MAPK6: variants seen among roughly 807,000 people sequenced by gnomAD.
MAPK6 encodes the protein ERK-3.
A neutral mutation model predicts 59.3 loss-of-function variants in MAPK6; 19 were observed. That is an observed-to-expected ratio of 0.32 (90% CI 0.22 to 0.47). The LOEUF is 0.47. MAPK6 is among the 20% of genes least tolerant of loss of function. MAPK6 has a pLI of 1.00. For synonymous variants in MAPK6, 316 were observed against 290.3 expected (o/e 1.09, Z -0.90); for missense variants, 724 against 847.9 (o/e 0.85, Z 1.81).
chr15:51,980,133 A>G (rs541678708), intron 1 of MAPK6, among the ~76,000 whole-genome samples: 4 of 151,612 alleles, frequency 2.6e-5, no homozygotes, highest in South Asian at 2.1e-4. Flanking sequence ...CATCTCTACT[A>G]AAAATACAAA....
chr15:52,035,372 C>T (rs1458876249), intron 1 of MAPK6, among the ~76,000 whole-genome samples: 1 of 152,152 alleles, frequency 6.6e-6, no homozygotes, highest in East Asian at 1.9e-4. Flanking sequence ...CAGTGGCTCA[C>T]GCCTGTAATC....
intron 1 of MAPK6, among the ~76,000 whole-genome samples, chr15:51,972,680 G>A (rs1351345813): frequency 2.0e-5 from 3 of 149,606 alleles, no homozygotes; most frequent in African/African-American, 7.3e-5. Context: ...AAATTAGCCG[G>A]GCGTGGTTGT....
At chr15:51,980,226 C>T (rs532143562) in intron 1 of MAPK6, among the ~76,000 whole-genome samples, 10 of 150,086 alleles carry the variant, frequency 6.7e-5, no homozygotes, top group Admixed American at 1.3e-4. Flanking sequence ...ACCTGGGAGG[C>T]AGATGTTGTG....
chr15:51,994,476 T>A (rs1186728176), intron 2 of MAPK6, among the ~76,000 whole-genome samples: 1 of 152,158 alleles, frequency 6.6e-6, no homozygotes. Flanking sequence ...TCATCATGAT[T>A]ATCACTGTGG....
At chr15:51,981,471 CA>C (rs35487339) in intron 1 of MAPK6, among the ~76,000 whole-genome samples, 50 of 118,044 alleles carry the variant, frequency 4.2e-4, no homozygotes, top group African/African-American at 4.0e-4. Context: ...GACTCCGTCT[CA>C]AAAAAAAAAA....
intron 1 of MAPK6, among the ~76,000 whole-genome samples, chr15:51,982,236 C>T (rs896021576): frequency 8.5e-5 from 13 of 152,188 alleles, no homozygotes; most frequent in Admixed American, 2.0e-4. Context: ...GATTTAGAAT[C>T]GTGTGAGAAC....
At chr15:51,974,389 G>T (rs2057151105) in intron 1 of MAPK6, among the ~76,000 whole-genome samples, 2 of 151,436 alleles carry the variant, frequency 1.3e-5, no homozygotes, top group Admixed American at 1.3e-4. Flanking sequence ...GGGCACGGTG[G>T]CTCACCCCTG....
intron 2 of MAPK6, among the ~76,000 whole-genome samples, chr15:52,003,497 TA>T (rs2057248830): frequency 6.6e-6 from 1 of 152,222 alleles, no homozygotes; most frequent in African/African-American, 2.4e-5. Context: ...AAGGAAATGG[TA>T]GCTGACAGCT....
chr15:51,982,335 CCCACAGAGGA>C (rs2057176864), intron 1 of MAPK6, among the ~76,000 whole-genome samples: 1 of 152,146 alleles, frequency 6.6e-6, no homozygotes. Context: ...TTTCATCTCA[CCCACAGAGGA>C]CTACCAAGAG....
At chr15:52,036,554 C>T (rs2031248017) in intron 1 of MAPK6, among the ~76,000 whole-genome samples, 1 of 152,168 alleles carries the variant, frequency 6.6e-6, no homozygotes. Flanking sequence ...CCATCTGCTT[C>T]TTACTAGTGA....
intron 5 of MAPK6, 99 bp downstream of exon 5, chr15:52,061,599 T>G (rs977333846): frequency 3.3e-6 from 3 of 922,186 alleles, no homozygotes; most frequent in African/African-American, 3.4e-5. Flanking sequence ...ATTGTAGAAG[T>G]CTTAAAAATT....
chr15:52,027,349 C>CAAAAAAAAAAAAAAAAAA (rs71130120), intron 1 of MAPK6, among the ~76,000 whole-genome samples: 4 of 49,190 alleles, frequency 8.1e-5, no homozygotes, highest in African/African-American at 1.7e-4. Context: ...GACTCCCTCT[C>CAAAAAAAAAAAAAAAAAA]AAAAAAAAAA....
At chr15:52,048,986 C>T (rs1443990746) in intron 2 of MAPK6, among the ~76,000 whole-genome samples, 3 of 152,194 alleles carry the variant, frequency 2.0e-5, no homozygotes, top group Non-Finnish European at 4.4e-5. Flanking sequence ...AAAATTGACT[C>T]CATTTCTACA....
chr15:52,010,750 C>G (rs1291325824), intron 3 of MAPK6, among the ~76,000 whole-genome samples: 1 of 152,174 alleles, frequency 6.6e-6, no homozygotes, highest in Admixed American at 6.5e-5. Context: ...AACTCCTGAC[C>G]TCAAGTGATC....
intron 2 of MAPK6, among the ~76,000 whole-genome samples, chr15:52,049,628 T>C (rs1335591309): frequency 6.6e-6 from 1 of 151,220 alleles, no homozygotes; most frequent in Non-Finnish European, 1.5e-5. Context: ...TTTTTTTTTT[T>C]TTTGAGATGG....
At chr15:52,051,538 A>G (rs1825555083) in intron 3 of MAPK6, among the ~76,000 whole-genome samples, 2 of 152,222 alleles carry the variant, frequency 1.3e-5, no homozygotes, top group African/African-American at 2.4e-5. Flanking sequence ...CTTAGTTTAT[A>G]TAACAGCAAG....
intron 3 of MAPK6, chr15:52,057,380 C>T (rs2032023880): frequency 6.6e-6 from 1 of 152,260 alleles, no homozygotes; most frequent in Non-Finnish European, 1.5e-5. Flanking sequence ...TTATCTGCCC[C>T]AAGCTACTCT....
At chr15:52,034,323 G>A (rs1020153770) in intron 1 of MAPK6, among the ~76,000 whole-genome samples, 2 of 142,864 alleles carry the variant, frequency 1.4e-5, no homozygotes, top group African/African-American at 2.6e-5. Flanking sequence ...TTTGTCGTTC[G>A]TTTTTTTTTT....
chr15:52,055,034 C>A (rs1196828833), intron 3 of MAPK6, among the ~76,000 whole-genome samples: 1 of 152,218 alleles, frequency 6.6e-6, no homozygotes, highest in East Asian at 1.9e-4. Flanking sequence ...TGTGCCTTGG[C>A]CTCCCACAGT....
Sources: gnomAD v4.1 joint callset for allele counts (sites outside exome capture counted in the v4.1 genomes callset) on GRCh38, gnomAD v4.1.1 for gene constraint, MANE v1.5 for transcripts, NCBI Gene and HGNC (gene_info 2026-07-23, HGNC 2026-07-21) for gene names.